PTPRC: variants seen among roughly 807,000 people sequenced by gnomAD.
The protein encoded by PTPRC is receptor-type tyrosine-protein phosphatase C.
PTPRC carries 44 observed loss-of-function variants against 155.9 expected under a neutral mutation model. That is an observed-to-expected ratio of 0.28 (90% CI 0.22 to 0.36). The LOEUF is 0.36. Ranked by LOEUF, PTPRC falls within the 10% of genes least tolerant of loss-of-function variation. The pLI is 1.00. For missense variants in PTPRC, 1,401 were observed against 1,564.6 expected, an observed-to-expected ratio of 0.90 and a Z score of 1.76; for synonymous variants, 525 against 533.1, an observed-to-expected ratio of 0.98 and a Z score of 0.21.
chr1:198,655,445 G>A (rs1007701145), intron 2 of PTPRC, among the ~76,000 whole-genome samples: 5 of 151,986 alleles, frequency 3.3e-5, no homozygotes, highest in African/African-American at 4.8e-5. Context: ...AGGGAACTTG[G>A]TCTAGAATTC....
In PTPRC at chr1:198,757,037, A is replaced by G. The variant is rs1259876601; in HGVS notation, c.*856A>G. 2.0e-5 allele frequency: 3 copies of G among 151,910 alleles called. No homozygotes were observed. 9.4% of individuals were successfully genotyped at this position (151,910 alleles called of 1,614,324 possible). On this transcript the variant is annotated 3_prime_UTR_variant, in exon 33 of 33. Transcript: ENST00000442510. ...AATATGTATTAATATTCATTGTATAAAAATAGAAGAATACAAACATATTTG... is the reference window on the plus strand; with the variant it reads ...AATATGTATTAATATTCATTGTATAGAAATAGAAGAATACAAACATATTTG...
At chr1:198,670,379 T>C (rs116395185) in intron 2 of PTPRC, among the ~76,000 whole-genome samples, 107 of 152,212 alleles carry the variant, frequency 7.0e-4, no homozygotes, top group African/African-American at 2.5e-3. Flanking sequence ...ATTTTAAAGA[T>C]TTGTGATAAA....
intron 2 of PTPRC, among the ~76,000 whole-genome samples, chr1:198,648,987 ATAAGGTTCTCATCT>A (rs1220062046): frequency 3.7e-4 from 57 of 152,008 alleles, no homozygotes; most frequent in African/African-American, 1.3e-3. Flanking sequence ...TGGAAAACAC[ATAAGGTTCTCATCT>A]TATTCCAGGA....
intron 3 of PTPRC, among the ~76,000 whole-genome samples, chr1:198,695,613 T>C (rs1666166284): frequency 6.6e-6 from 1 of 152,098 alleles, no homozygotes; most frequent in African/African-American, 2.4e-5. Context: ...TGCAGAATTT[T>C]TTTTACCATT....
At chr1:198,719,356 G>A (rs1653766077) in intron 14 of PTPRC, among the ~76,000 whole-genome samples, 1 of 152,020 alleles carries the variant, frequency 6.6e-6, no homozygotes, top group African/African-American at 2.4e-5. Context: ...TTTCTCCGGA[G>A]AAATGCCTTG....
chr1:198,695,341 T>G (rs1666144269), intron 3 of PTPRC, among the ~76,000 whole-genome samples: 1 of 151,638 alleles, frequency 6.6e-6, no homozygotes, highest in Non-Finnish European at 1.5e-5. Flanking sequence ...TATTTTTTGT[T>G]GTGTGATATA....
Position 198,732,386 on chromosome 1 carries a change from T to G in PTPRC, c.2061T>G (p.Leu687=). The G allele has an allele frequency of 6.2e-7, 1 of 1,610,108 alleles. No homozygotes were observed. The highest frequency in any genetic ancestry group is 8.5e-7 in the Non-Finnish European group (1 of 1,176,814). Reference sequence around the variant, plus strand: ...ATAAAAACCGTTATGTTGACATTCTTCCTTGTGAGTATTTATTGAGTGCTG... The same window carrying G: ...ATAAAAACCGTTATGTTGACATTCTGCCTTGTGAGTATTTATTGAGTGCTG... ...NQNKNRYVDI[L]PYDYNRVELS... Residue 687 remains leucine (L), a synonymous_variant, in exon 19 of 33, where the codon CTT becomes CTG. Transcript: ENST00000442510.
chr1:198,754,214 A>G lies in PTPRC; in HGVS notation c.3510-55A>G, dbSNP rs562973781. 2.0e-6 allele frequency: 3 copies of G among 1,532,246 alleles called. No homozygotes were observed. In the South Asian group the frequency reaches 3.4e-5, roughly 17 times the overall value. The allele number at this position is 1,532,246 out of a possible 1,614,324, so 94.9% of individuals were successfully genotyped here. A position where few individuals can be genotyped will look rare whatever the true frequency, so the allele number is the denominator to read the frequency against. The stretch of plus-strand genomic sequence containing the variant: ...TCTCTCTTCCTGTTTTTATTCTAAT[A>G]TCACCCTTTTTGGTGAGAAGTAGGA... On this transcript the variant is annotated intron_variant, in intron 31 of 32. Transcript: ENST00000442510.
chr1:198,674,761 G>A (rs1328082595), intron 2 of PTPRC, among the ~76,000 whole-genome samples: 1 of 151,952 alleles, frequency 6.6e-6, no homozygotes, highest in Non-Finnish European at 1.5e-5. Context: ...AATAATTTTA[G>A]ATTTACAGAA....
At chr1:198,707,558 T>G (rs1214935119) in intron 9 of PTPRC, among the ~76,000 whole-genome samples, 1 of 152,196 alleles carries the variant, frequency 6.6e-6, no homozygotes, top group Non-Finnish European at 1.5e-5. Flanking sequence ...AGTCATATCA[T>G]TTAATAATTC....
chr1:198,749,687 C>G (rs1007666312), intron 28 of PTPRC, 138 bp downstream of exon 28: 1 of 783,072 alleles, frequency 1.3e-6, no homozygotes, highest in Non-Finnish European at 2.1e-6. Flanking sequence ...ATGAGAGTTT[C>G]AATTTCAATG....
At chr1:198,680,446 C>T (rs1378933106) in intron 2 of PTPRC, among the ~76,000 whole-genome samples, 1 of 139,492 alleles carries the variant, frequency 7.2e-6, no homozygotes, top group Non-Finnish European at 1.5e-5. Context: ...GAGCAAAACT[C>T]TCTCAGAAAA....
chr1:198,743,977 T>G, intron 25 of PTPRC, 77 bp from the exon 26 acceptor site: 1 of 1,366,596 alleles, frequency 7.3e-7, no homozygotes, highest in Non-Finnish European at 1.0e-6. Context: ...TTATGGGGAA[T>G]GTATATTTTA....
At chr1:198,693,133 C>T (rs187253636) in intron 3 of PTPRC, 44 of 944,408 alleles carry the variant, frequency 4.7e-5, no homozygotes, top group African/African-American at 3.7e-4. Flanking sequence ...TTCCAACTAA[C>T]GTACATTCAA....
intron 7 of PTPRC, 70 bp downstream of exon 7, chr1:198,703,442 TC>T (rs748767561): frequency 6.2e-7 from 1 of 1,604,616 alleles, no homozygotes; most frequent in East Asian, 2.2e-5. Context: ...ACAAGGGCCT[TC>T]CACCCACTCT....
rs1216107093 is a variant in PTPRC, at chr1:198,756,981, TTAAA to T, written c.*806_*809del. The T allele has an allele frequency of 6.6e-6, 1 of 151,908 alleles. No individual in the cohort carries two copies. The highest frequency in any genetic ancestry group is 1.5e-5 in the Non-Finnish European group (1 of 67,848). 9.4% of individuals were successfully genotyped at this position (151,908 alleles called of 1,614,324 possible). On this transcript the variant is annotated 3_prime_UTR_variant, in exon 33 of 33. Coordinates refer to ENST00000442510, the MANE Select transcript of PTPRC (RefSeq NM_002838.5). ...CAAATTAGGTTTTGTACAATTGAACTTAAATAAATGTCATTAAAATAAATAAATG... is the reference window on the plus strand; with the variant it reads ...CAAATTAGGTTTTGTACAATTGAACTTAAATGTCATTAAAATAAATAAATG...
intron 23 of PTPRC, among the ~76,000 whole-genome samples, chr1:198,738,116 A>T (rs929729337): frequency 2.0e-5 from 3 of 151,720 alleles, no homozygotes; most frequent in Non-Finnish European, 2.9e-5. Context: ...GTATAATTGG[A>T]CTTCTTCCTT....
rs920588255 is a variant in PTPRC at position 198,694,891 on chromosome 1, C to CTA, written c.101-1819_101-1818dup. 30 of 967,744 alleles carry CTA rather than the reference C, an allele frequency of 3.1e-5. No homozygotes were observed. In the African/African-American group the frequency reaches 5.3e-4, roughly 17 times the overall value. The allele number at this position is 967,744 out of a possible 1,614,324, so 59.9% of individuals were successfully genotyped here. A position where few individuals can be genotyped will look rare whatever the true frequency, so the allele number is the denominator to read the frequency against. On this transcript the variant is annotated intron_variant, in intron 3 of 32. Transcript: ENST00000442510. ...CTGAAGACTAGAGGTAGTTACTATC[C>CTA]TATTACTGTACTTAGTTGGCTATGC...
intron 26 of PTPRC, among the ~76,000 whole-genome samples, chr1:198,744,948 C>T (rs548772796): frequency 6.6e-6 from 1 of 151,720 alleles, no homozygotes; most frequent in South Asian, 2.1e-4. Flanking sequence ...CAATAATGAC[C>T]AAGTGACTCA....
Sources: gnomAD v4.1 joint callset for allele counts (sites outside exome capture counted in the v4.1 genomes callset) on GRCh38, gnomAD v4.1.1 for gene constraint, MANE v1.5 for transcripts, NCBI Gene and HGNC (gene_info 2026-07-23, HGNC 2026-07-21) for gene names.